The following TMEM108 variants were observed in gnomAD, a reference collection of about 807,000 sequenced individuals.
TMEM108 encodes transmembrane protein 108.
TMEM108 carries 12 observed loss-of-function variants against 35.1 expected under a neutral mutation model. The observed-to-expected ratio is 0.34, with a 90% CI of 0.22 to 0.55. The LOEUF (loss-of-function observed/expected upper bound fraction) is 0.55, where lower values mean the gene tolerates loss of function less well. Ranked by LOEUF, TMEM108 falls within the 20% of genes least tolerant of loss-of-function variation. The pLI, the probability that TMEM108 is intolerant of heterozygous loss-of-function variation, is 0.89. For missense variants in TMEM108, 680 were observed against 753.3 expected (o/e 0.90, Z 1.14); for synonymous variants, 287 against 308.6 (o/e 0.93, Z 0.73).
intron 3 of TMEM108, among the ~76,000 whole-genome samples, chr3:133,231,720 C>T (rs1403663304): frequency 2.0e-5 from 3 of 152,120 alleles, no homozygotes; most frequent in Non-Finnish European, 4.4e-5. Context: ...TATCTTTAGT[C>T]TGCTACAGAG....
At position 133,137,776 on chromosome 3, in the gene TMEM108, A is replaced by G. The variant is rs116355452; in HGVS notation, c.-46-91490A>G. ...GATGGGCCAAATGGGACAGCCAAGG[A>G]TGGGACAGCTTGAGCTGTCAGGAAA... On this transcript the variant is annotated intron_variant, in intron 2 of 5. Coordinates refer to ENST00000321871, the MANE Select transcript of TMEM108 (RefSeq NM_023943.4). Among the ~76,000 whole-genome samples the G allele has an allele frequency of 3.3e-3, 504 of 152,280 alleles. 4 individuals are homozygous for G. The highest frequency in any genetic ancestry group is 0.012 in the African/African-American group (488 of 41,560).
chr3:133,139,826 T>C (rs1336227648), intron 2 of TMEM108, among the ~76,000 whole-genome samples: 3 of 152,212 alleles, frequency 2.0e-5, no homozygotes, highest in Admixed American at 2.0e-4. Context: ...ACATCTCTTA[T>C]TTCTGATAGT....
intron 3 of TMEM108, among the ~76,000 whole-genome samples, chr3:133,332,553 T>C (rs1183872998): frequency 6.6e-6 from 1 of 152,122 alleles, no homozygotes; most frequent in Admixed American, 6.5e-5. Context: ...TTTAGGCAGG[T>C]AGGTAAAATA....
rs528217488 is a variant in TMEM108, at chr3:133,310,616, T to A, written c.41-69136T>A. 2.7e-5 allele frequency among the ~76,000 whole-genome samples: 4 copies of A among 148,574 alleles called. No individual in the cohort carries two copies. The South Asian group carries it at 6.7e-4, about 25-fold the overall frequency. ...TCCCTTTATTTTGAGCCTATGTGTG[T>A]CTCTGCACATTGAGGTGGGTCTCCT... On this transcript the variant is annotated intron_variant, in intron 3 of 5. Coordinates refer to ENST00000321871, the MANE Select transcript of TMEM108 (RefSeq NM_023943.4).
intron 3 of TMEM108, among the ~76,000 whole-genome samples, chr3:133,302,415 CTT>C (rs927704510): frequency 0.013 from 1,403 of 109,878 alleles, 16 homozygotes; most frequent in African/African-American, 0.047. Context: ...TTCTTTCTTT[CTT>C]TTTTTTTTTT....
At chr3:133,069,639 C>T (rs73860824) in intron 2 of TMEM108, among the ~76,000 whole-genome samples, 5,967 of 152,204 alleles carry the variant, frequency 0.039, 391 homozygotes, top group African/African-American at 0.14. Flanking sequence ...TTAGCCTGCC[C>T]TTAAGGTAGA....
chr3:133,082,647 T>TTTA (rs1050020539), intron 2 of TMEM108, among the ~76,000 whole-genome samples: 1 of 151,996 alleles, frequency 6.6e-6, no homozygotes, highest in African/African-American at 2.4e-5. Flanking sequence ...AACCTTTTTA[T>TTTA]TTATTATTAT....
In TMEM108 at chr3:133,380,795, G is replaced by A. The variant is rs1249016010; in HGVS notation, c.1084G>A (p.Ala362Thr). Residue 362 changes from alanine to threonine, a missense_variant, in exon 4 of 6, where the codon GCT becomes ACT. Physicochemically the swap from Ala to Thr is moderately conservative, Grantham distance 58 (BLOSUM62 0). Coordinates refer to ENST00000321871, the MANE Select transcript of TMEM108 (RefSeq NM_023943.4). This position sits in a 1 kb window ranked among gnomAD's most constrained non-coding sequence, Gnocchi z 5.3. ...VFTAATGPTPAAFDTSVSAPS... is the reference protein window; with the variant it reads ...VFTAATGPTPTAFDTSVSAPS... ...CACGGCTGCCACGGGGCCCACCCCA[G>A]CTGCCTTCGATACCAGTGTCTCAGC... 1 of 1,614,022 alleles carries A rather than the reference G, an allele frequency of 6.2e-7. No individual in the cohort carries two copies. Among genetic ancestry groups the A allele is most frequent in the African/African-American group, 1.3e-5 (1 of 74,924 alleles).
At chr3:133,295,941 G>A (rs1018083587) in intron 3 of TMEM108, among the ~76,000 whole-genome samples, 1 of 152,194 alleles carries the variant, frequency 6.6e-6, no homozygotes, top group African/African-American at 2.4e-5. Context: ...TAACAGGACT[G>A]TCTATTGGGG....
At chr3:133,120,796 A>C (rs1944343367) in intron 2 of TMEM108, 1 of 152,230 alleles carries the variant, frequency 6.6e-6, no homozygotes, top group South Asian at 2.1e-4. Flanking sequence ...TAGATAGCAC[A>C]GATAGAGCAA....
chr3:133,366,064 C>T (rs1474579497), intron 3 of TMEM108, among the ~76,000 whole-genome samples: 1 of 152,170 alleles, frequency 6.6e-6, no homozygotes, highest in Admixed American at 6.5e-5. Flanking sequence ...AATCTTTTAA[C>T]CTCTCTGAAC....
At chr3:133,146,583 C>T (rs1559847282) in intron 2 of TMEM108, among the ~76,000 whole-genome samples, 1 of 152,156 alleles carries the variant, frequency 6.6e-6, no homozygotes, top group Non-Finnish European at 1.5e-5. Context: ...AGCTGTGAAT[C>T]TGTCTGGTCA....
intron 3 of TMEM108, among the ~76,000 whole-genome samples, chr3:133,278,954 A>G (rs1284011917): frequency 1.3e-5 from 2 of 152,186 alleles, no homozygotes; most frequent in East Asian, 1.9e-4. Context: ...GAGGACATAC[A>G]TGAAAGTTTG....
At chr3:133,100,150 G>C (rs1036765530) in intron 2 of TMEM108, among the ~76,000 whole-genome samples, 1 of 152,184 alleles carries the variant, frequency 6.6e-6, no homozygotes, top group Non-Finnish European at 1.5e-5. Flanking sequence ...AGAAAAATGA[G>C]GAAGCAAAAG....
At chr3:133,278,597 A>G (rs1248802563) in intron 3 of TMEM108, among the ~76,000 whole-genome samples, 1 of 152,238 alleles carries the variant, frequency 6.6e-6, no homozygotes, top group Non-Finnish European at 1.5e-5. Context: ...ACTGTACTGA[A>G]TACTATAGGC....
chr3:133,125,687 G>A (rs1576331878), intron 2 of TMEM108, among the ~76,000 whole-genome samples: 1 of 152,078 alleles, frequency 6.6e-6, no homozygotes, highest in Non-Finnish European at 1.5e-5. Flanking sequence ...TTCTTTAACG[G>A]ATAAAGTTTT....
At chr3:133,373,348 CAAAAAA>C (rs59367666) in intron 3 of TMEM108, among the ~76,000 whole-genome samples, 2 of 79,920 alleles carry the variant, frequency 2.5e-5, no homozygotes, top group Non-Finnish European at 5.0e-5. Context: ...GACCTTGTCT[CAAAAAA>C]AAAAAAAAAA....
At chr3:133,177,746 C>G (rs1326989754) in intron 2 of TMEM108, among the ~76,000 whole-genome samples, 1 of 152,174 alleles carries the variant, frequency 6.6e-6, no homozygotes, top group African/African-American at 2.4e-5. Flanking sequence ...CCTTTGAAAA[C>G]TGGCACAAGA....
chr3:133,247,910 C>CT (rs1157539321), intron 3 of TMEM108: 3 of 152,062 alleles, frequency 2.0e-5, no homozygotes, highest in African/African-American at 7.2e-5. Context: ...GGGGTTATGG[C>CT]TGTGTGAAAA....
Sources: gnomAD v4.1 joint callset for allele counts (sites outside exome capture counted in the v4.1 genomes callset) on GRCh38, gnomAD v4.1.1 for gene constraint, Gnocchi (gnomAD v3.1) non-coding constraint, MANE v1.5 for transcripts, NCBI Gene and HGNC (gene_info 2026-07-23, HGNC 2026-07-21) for gene names.